Variants in MTMR1 observed in about 807,000 individuals in gnomAD.
MTMR1 encodes the protein myotubularin related protein 1.
MTMR1 carries 17 observed loss-of-function variants against 51.6 expected under a neutral mutation model. That is an observed-to-expected ratio of 0.33 (90% CI 0.23 to 0.49). MTMR1 has a LOEUF of 0.49. Ranked by LOEUF, MTMR1 falls within the 20% of genes least tolerant of loss-of-function variation. The pLI is 0.99. For missense variants in MTMR1, 386 were observed against 526.9 expected, an observed-to-expected ratio of 0.73 and a Z score of 2.62; for synonymous variants, 201 against 205.6, an observed-to-expected ratio of 0.98 and a Z score of 0.19.
chrX:150,735,553 C>G (rs2042242875), intron 10 of MTMR1: 1 of 466,980 alleles, frequency 2.1e-6, no homozygotes. Flanking sequence ...CATCTCTTAC[C>G]TCACCTACAG....
chrX:150,708,642 C>T (rs782106461), intron 2 of MTMR1, among the ~76,000 whole-genome samples: 38 of 110,513 alleles, frequency 3.4e-4, no homozygotes, highest in East Asian at 1.7e-3. Flanking sequence ...TTTTTTGCAC[C>T]TTCTCATAGG....
At chrX:150,724,907 T>C (rs1399550159) in intron 4 of MTMR1, among the ~76,000 whole-genome samples, 1 of 111,992 alleles carries the variant, frequency 8.9e-6, no homozygotes, top group Admixed American at 9.5e-5. Flanking sequence ...CCCTTATTTC[T>C]GGGCGCTCTA....
chrX:150,753,375 T>G (rs2042808924), intron 14 of MTMR1, among the ~76,000 whole-genome samples: 1 of 112,325 alleles, frequency 8.9e-6, no homozygotes, highest in Non-Finnish European at 1.9e-5. Context: ...CATGTGGCAA[T>G]TATGTTTAAC....
At chrX:150,726,229 C>T (rs1557416763) in intron 4 of MTMR1, among the ~76,000 whole-genome samples, 2 of 111,514 alleles carry the variant, frequency 1.8e-5, no homozygotes, top group African/African-American at 6.5e-5. Context: ...GTTGTATGTT[C>T]CTTATGAGGG....
intron 12 of MTMR1, among the ~76,000 whole-genome samples, chrX:150,742,746 GGCAGAGCTTGCAGTGA>G (rs1184439857): frequency 1.9e-5 from 2 of 105,114 alleles, no homozygotes; most frequent in Non-Finnish European, 3.9e-5. Flanking sequence ...GAACCTGGGA[GGCAGAGCTTGCAGTGA>G]GCCGAGATTG....
At position 150,727,794 on chromosome X, in the gene MTMR1, A is replaced by G. The variant is rs782492512; in HGVS notation, c.555+3A>G. On this transcript the variant is annotated splice_donor_region_variant and intron_variant, in intron 6 of 15. Transcript: ENST00000445323. ...GTGGTATAGAGATAGTGTGCAAGGT[A>G]TAATAGAAACGCCAAGTGAAAACTA... is the stretch of plus-strand genomic sequence containing the variant. 8.4e-7 allele frequency: 1 copy of G among 1,184,761 alleles called. No homozygotes were observed. The highest frequency in any genetic ancestry group is 1.1e-6 in the Non-Finnish European group (1 of 874,415).
intron 3 of MTMR1, 119 bp downstream of exon 3, chrX:150,712,484 T>G: frequency 4.6e-6 from 3 of 654,600 alleles, no homozygotes; most frequent in Non-Finnish European, 7.0e-6. Flanking sequence ...ATCACTCAGA[T>G]CAATTTGCTC....
rs2043177521 is a variant in MTMR1, at chrX:150,762,625, G to T, written c.1918G>T (p.Val640Leu). Residue 640 changes from valine to leucine, a missense_variant, in exon 16 of 16, where the codon GTG (valine) becomes TTG (leucine). Coordinates refer to ENST00000445323, the MANE Select transcript of MTMR1 (RefSeq NM_001306144.3). The part of the protein sequence containing the change: ...LAVRAELQKR[V>L]EGLQREVATR... The stretch of plus-strand genomic sequence containing the variant: ...CGTCAGGGCGGAGCTGCAGAAGCGT[G>T]TGGAGGGCCTACAGCGGGAGGTGGC... 1 of 1,211,951 alleles carries T rather than the reference G, an allele frequency of 8.3e-7. No homozygotes were observed. Among genetic ancestry groups the T allele is most frequent in the Non-Finnish European group, 1.1e-6 (1 of 895,475 alleles).
intron 12 of MTMR1, among the ~76,000 whole-genome samples, chrX:150,738,540 A>G (rs1376434743): frequency 8.9e-6 from 1 of 112,200 alleles, no homozygotes; most frequent in Non-Finnish European, 1.9e-5. Context: ...GTCCAAAATC[A>G]GGGTCCCAGC....
At chrX:150,729,866 A>G (rs1272762516) in intron 6 of MTMR1, among the ~76,000 whole-genome samples, 4 of 111,346 alleles carry the variant, frequency 3.6e-5, no homozygotes, top group Non-Finnish European at 5.7e-5. Context: ...TAAAAATGCA[A>G]AAATTAGCCG....
At chrX:150,705,765 G>C (rs145675814) in intron 2 of MTMR1, among the ~76,000 whole-genome samples, 57 of 111,924 alleles carry the variant, frequency 5.1e-4, no homozygotes, top group African/African-American at 1.8e-3. Flanking sequence ...CCCCAGGAAG[G>C]AAGAAAGAAC....
chrX:150,742,069 C>T (rs907710572), intron 12 of MTMR1, among the ~76,000 whole-genome samples: 25 of 112,045 alleles, frequency 2.2e-4, no homozygotes, highest in African/African-American at 9.7e-5. Context: ...CATCAGCAGA[C>T]GAATGGAAAA....
intron 6 of MTMR1, among the ~76,000 whole-genome samples, chrX:150,728,421 A>C (rs2042008359): frequency 8.9e-6 from 1 of 111,882 alleles, no homozygotes; most frequent in Non-Finnish European, 1.9e-5. Flanking sequence ...AGACCAATAC[A>C]TTTCCCCAGT....
At chrX:150,695,197 G>A (rs1557415700) in intron 1 of MTMR1, among the ~76,000 whole-genome samples, 1 of 112,098 alleles carries the variant, frequency 8.9e-6, no homozygotes, top group African/African-American at 3.3e-5. Context: ...CTAGCAGGGA[G>A]GGAGCTAGGG....
intron 1 of MTMR1, among the ~76,000 whole-genome samples, chrX:150,698,676 GCGCGCA>G (rs1197101240): frequency 1.6e-3 from 85 of 53,076 alleles, no homozygotes; most frequent in Middle Eastern, 0.01. Context: ...GTCTACACGC[GCGCGCA>G]CACACACACA....
intron 13 of MTMR1, among the ~76,000 whole-genome samples, chrX:150,747,106 A>G (rs370576445): frequency 4.5e-5 from 5 of 110,473 alleles, no homozygotes; most frequent in Non-Finnish European, 7.6e-5. Context: ...TACAATCCTT[A>G]CTCCTCTGGG....
chrX:150,715,143 A>G (rs2041457909), intron 3 of MTMR1, among the ~76,000 whole-genome samples: 1 of 111,906 alleles, frequency 8.9e-6, no homozygotes, highest in Non-Finnish European at 1.9e-5. Flanking sequence ...GTCCACCATC[A>G]TCCAGCCCCA....
chrX:150,742,831 A>AG (rs1557417354), intron 12 of MTMR1, among the ~76,000 whole-genome samples: 1 of 106,615 alleles, frequency 9.4e-6, no homozygotes, highest in East Asian at 2.9e-4. Context: ...AAAAAAAAAA[A>AG]AAAAAAGAAA....
intron 13 of MTMR1, among the ~76,000 whole-genome samples, chrX:150,748,878 G>A (rs929282048): frequency 1.9e-4 from 21 of 110,768 alleles, no homozygotes; most frequent in Non-Finnish European, 3.4e-4. Context: ...AAAGATAGCC[G>A]TTTGAAATGT....
Sources: allele counts gnomAD v4.1 joint callset (sites outside exome capture counted in the v4.1 genomes callset), GRCh38; gene constraint gnomAD v4.1.1; transcripts MANE v1.5; gene names NCBI Gene and HGNC (gene_info 2026-07-23, HGNC 2026-07-21).